Variants in PCNX2 observed in about 807,000 individuals in gnomAD.
PCNX2 encodes the protein pecanex-like protein 2.
PCNX2 carries 168 observed loss-of-function variants against 223.8 expected under a neutral mutation model. That is an observed-to-expected ratio of 0.75 (90% confidence interval 0.66 to 0.85). The LOEUF is 0.85. PCNX2 is among the 40% of genes least tolerant of loss of function. PCNX2 has a pLI of 0.00. For missense variants in PCNX2, 2,507 were observed against 2,675.5 expected (o/e 0.94, Z 1.39); for synonymous variants, 1,006 against 1,052.6 (o/e 0.96, Z 0.86).
chr1:233,015,704 A>T (rs191191037), intron 27 of PCNX2, among the ~76,000 whole-genome samples: 28 of 152,134 alleles, frequency 1.8e-4, no homozygotes, highest in Admixed American at 3.9e-4. Context: ...AAAAAATAAA[A>T]AAATAAAAAA....
At position 233,258,153 on chromosome 1, in the gene PCNX2, A is replaced by G. The variant is rs749227329; in HGVS notation, c.1709T>C (p.Met570Thr). 9 of 1,613,846 alleles carry G rather than the reference A, an allele frequency of 5.6e-6. No homozygotes were observed. The East Asian group carries it at 2.0e-4, about 36-fold the overall frequency. Residue 570 changes from methionine (M) to threonine (T), a missense_variant, in exon 5 of 34, where the codon ATG (methionine) becomes ACG (threonine). Met to Thr is a moderately conservative substitution (Grantham distance 81). This residue lies in a region of PCNX2 where 1,031 missense variants were observed against 1,021.7 expected (regional missense o/e 1.01). Transcript: ENST00000258229. ...TTCCAGGAAGTTGGACTCATTTGGC[A>G]TTTGTCCTTCCTTAGCCTCTAGGTC... ...KSDLEAKEGQMPNESNFLEFV... is the reference protein window; with the variant it reads ...KSDLEAKEGQTPNESNFLEFV...
At chr1:233,059,538 T>G (rs1215215682) in intron 23 of PCNX2, among the ~76,000 whole-genome samples, 1 of 151,614 alleles carries the variant, frequency 6.6e-6, no homozygotes, top group African/African-American at 2.4e-5. Flanking sequence ...TTAGGAGCCT[T>G]TACTTTACAC....
intron 31 of PCNX2, 149 bp from the exon 32 acceptor site, chr1:232,998,587 T>C (rs1488372701): frequency 4.0e-6 from 3 of 749,642 alleles, no homozygotes; most frequent in South Asian, 3.9e-5. Flanking sequence ...AGAGGGGCTG[T>C]TGTTCCCAAA....
chr1:233,027,636 C>T (rs547063504), intron 25 of PCNX2, among the ~76,000 whole-genome samples: 2 of 152,274 alleles, frequency 1.3e-5, no homozygotes, highest in South Asian at 4.1e-4. Context: ...TGAAAACTTA[C>T]GTCAAGGGTC....
chr1:233,157,933 T>C (rs1172624669), intron 19 of PCNX2, among the ~76,000 whole-genome samples: 2 of 152,100 alleles, frequency 1.3e-5, no homozygotes, highest in African/African-American at 2.4e-5. Context: ...GCACAGAGCC[T>C]CTGCCTGACA....
intron 28 of PCNX2, among the ~76,000 whole-genome samples, chr1:233,013,700 C>T (rs1670554852): frequency 6.6e-6 from 1 of 152,170 alleles, no homozygotes; most frequent in East Asian, 1.9e-4. Context: ...CGGGCAGAGG[C>T]TAAGTAGAGG....
At chr1:233,101,122 G>A (rs538560002) in intron 21 of PCNX2, among the ~76,000 whole-genome samples, 5 of 152,308 alleles carry the variant, frequency 3.3e-5, no homozygotes, top group Non-Finnish European at 5.9e-5. Context: ...AGGGAACCAC[G>A]TTAATGAATT....
At chr1:233,146,292 T>C (rs1163922247) in intron 19 of PCNX2, among the ~76,000 whole-genome samples, 2 of 152,202 alleles carry the variant, frequency 1.3e-5, no homozygotes, top group Non-Finnish European at 2.9e-5. Context: ...GAGTTGGGGT[T>C]TGGTAAATGA....
At position 232,988,915 on chromosome 1, in the gene PCNX2, G is replaced by C. The variant is rs375450176; in HGVS notation, c.5792-2375C>G. Among the ~76,000 whole-genome samples the C allele has an allele frequency of 2.4e-4, 36 of 152,342 alleles. 1 individual carries two copies. In the East Asian group the frequency reaches 6.6e-3, roughly 28 times the overall value. ...TGGGTGCAAAGTGCTGTGTGCACCAGCAGCAGCAGATGCACAGCGTGGCTG... is the reference window on the plus strand; with the variant it reads ...TGGGTGCAAAGTGCTGTGTGCACCACCAGCAGCAGATGCACAGCGTGGCTG... On this transcript the variant is annotated intron_variant, in intron 32 of 33. Coordinates refer to ENST00000258229, the MANE Select transcript of PCNX2 (RefSeq NM_014801.4).
intron 8 of PCNX2, among the ~76,000 whole-genome samples, chr1:233,249,131 G>A (rs539899581): frequency 2.2e-4 from 33 of 152,204 alleles, no homozygotes; most frequent in South Asian, 1.9e-3. Flanking sequence ...ATTTTTACTT[G>A]GATACTATAA....
At chr1:233,163,544 A>G (rs1678621514) in intron 17 of PCNX2, among the ~76,000 whole-genome samples, 1 of 151,736 alleles carries the variant, frequency 6.6e-6, no homozygotes, top group African/African-American at 2.4e-5. Flanking sequence ...TGTATAAATT[A>G]TATAACATAT....
intron 24 of PCNX2, 104 bp from the exon 25 acceptor site, chr1:233,054,587 CTT>C (rs1672120260): frequency 1.3e-5 from 11 of 868,614 alleles, no homozygotes; most frequent in Admixed American, 2.7e-5. Flanking sequence ...AAATCAGACT[CTT>C]TATATACATA....
intron 1 of PCNX2, among the ~76,000 whole-genome samples, chr1:233,286,439 T>G (rs925930552): frequency 2.0e-5 from 3 of 152,100 alleles, no homozygotes; most frequent in African/African-American, 7.2e-5. Context: ...GGCTAGCTGC[T>G]TTGATGGAGG....
In PCNX2 at chr1:233,295,725, G is replaced by C. The variant is rs1662055453; in HGVS notation, c.-247C>G. The C allele has an allele frequency of 2.6e-6, 1 of 380,950 alleles. No individual in the cohort carries two copies. The highest frequency in any genetic ancestry group is 1.0e-4 in the South Asian group (1 of 9,912). 23.6% of individuals were successfully genotyped at this position (380,950 alleles called of 1,614,324 possible). ...GCAGGTGAGCGCCATGTCCGAGGGAGGAAGGATTTTCCCATCGTGCTCAGA... is the reference window on the plus strand; with the variant it reads ...GCAGGTGAGCGCCATGTCCGAGGGACGAAGGATTTTCCCATCGTGCTCAGA... On this transcript the variant is annotated 5_prime_UTR_variant, in exon 1 of 34. Coordinates refer to ENST00000258229, the MANE Select transcript of PCNX2 (RefSeq NM_014801.4). The surrounding 1 kb of genome is among the most constrained non-coding windows in gnomAD (Gnocchi z 4.1).
intron 25 of PCNX2, among the ~76,000 whole-genome samples, chr1:233,035,066 T>G (rs571251051): frequency 1.3e-5 from 2 of 152,080 alleles, no homozygotes; most frequent in African/African-American, 4.8e-5. Context: ...TACAGGCTGT[T>G]TACCAAGAGA....
chr1:233,074,262 A>C (rs990937044), intron 23 of PCNX2, among the ~76,000 whole-genome samples: 1 of 152,210 alleles, frequency 6.6e-6, no homozygotes, highest in Non-Finnish European at 1.5e-5. Flanking sequence ...CTTGAAAAGA[A>C]TGTGTACCTA....
chr1:233,083,162 G>C (rs189807348), intron 23 of PCNX2, among the ~76,000 whole-genome samples: 2 of 152,318 alleles, frequency 1.3e-5, no homozygotes, highest in African/African-American at 4.8e-5. Flanking sequence ...CCAATTAGAT[G>C]ACCTCTGGAG....
At chr1:233,030,772 G>A (rs1186269404) in intron 25 of PCNX2, among the ~76,000 whole-genome samples, 3 of 152,342 alleles carry the variant, frequency 2.0e-5, no homozygotes, top group Non-Finnish European at 1.5e-5. Context: ...TCAGCACTGC[G>A]TAGCCTACAT....
At chr1:233,011,308 C>G (rs1186997765) in intron 28 of PCNX2, among the ~76,000 whole-genome samples, 1 of 152,112 alleles carries the variant, frequency 6.6e-6, no homozygotes, top group East Asian at 1.9e-4. Context: ...TAATATCACC[C>G]AAATTATGCC....
Sources: allele counts gnomAD v4.1 joint callset (sites outside exome capture counted in the v4.1 genomes callset), GRCh38; gene constraint gnomAD v4.1.1; regional missense constraint gnomAD v4.1.1; non-coding constraint Gnocchi (gnomAD v3.1); transcripts MANE v1.5; gene names NCBI Gene and HGNC (gene_info 2026-07-23, HGNC 2026-07-21).